GGPS1: variants seen among roughly 807,000 people sequenced by gnomAD.
GGPS1 encodes geranylgeranyl diphosphate synthase 1, also known as geranylgeranyl pyrophosphate synthase.
A neutral mutation model predicts 28.1 loss-of-function variants in GGPS1; 15 were observed. The ratio of observed to expected loss-of-function variants is 0.53; its 90% CI spans 0.36 to 0.82. The LOEUF (loss-of-function observed/expected upper bound fraction) is 0.82. Among genes scored for constraint, GGPS1 ranks in the 40% least tolerant of loss-of-function variants. The pLI, the probability that GGPS1 is intolerant of heterozygous loss-of-function variation, is 0.01. For missense variants in GGPS1, 284 were observed against 348.3 expected, an observed-to-expected ratio of 0.82 and a Z score of 1.47; for synonymous variants, 138 against 122.4, an observed-to-expected ratio of 1.13 and a Z score of -0.84.
chr1:235,329,720 G>A (rs1675632619), intron 1 of GGPS1: 2 of 152,218 alleles, frequency 1.3e-5, no homozygotes, highest in African/African-American at 4.8e-5. Context: ...TCTCCTAATA[G>A]CAATGGGATA....
chr1:235,334,126 A>T (rs568563325), intron 1 of GGPS1, among the ~76,000 whole-genome samples: 3 of 152,362 alleles, frequency 2.0e-5, no homozygotes, highest in African/African-American at 7.2e-5. Context: ...GCGTATTTTA[A>T]ATCAGAAATC....
At chr1:235,331,337 T>C (rs983966757) in intron 1 of GGPS1, among the ~76,000 whole-genome samples, 1 of 152,224 alleles carries the variant, frequency 6.6e-6, no homozygotes, top group Non-Finnish European at 1.5e-5. Context: ...AATATGCCTT[T>C]CAATCCTGAA....
chr1:235,340,751 A>AAAAAAC (rs1676016375), intron 2 of GGPS1, among the ~76,000 whole-genome samples: 1 of 149,628 alleles, frequency 6.7e-6, no homozygotes, highest in African/African-American at 2.5e-5. Context: ...AAAAAAAAAA[A>AAAAAAC]AAAAAAACAA....
intron 1 of GGPS1, among the ~76,000 whole-genome samples, chr1:235,333,067 CAAAAAAAA>C (rs5781828): frequency 2.3e-5 from 1 of 43,318 alleles, no homozygotes; most frequent in Non-Finnish European, 3.9e-5. Context: ...GACTCCGTCT[CAAAAAAAA>C]AAAAAAAAAA....
chr1:235,337,911 A>G (rs1675916473), intron 2 of GGPS1, among the ~76,000 whole-genome samples: 1 of 150,358 alleles, frequency 6.7e-6, no homozygotes, highest in African/African-American at 2.4e-5. Flanking sequence ...ATGTTTGTTT[A>G]TTTGCCTTAG....
intron 1 of GGPS1, chr1:235,329,667 G>A (rs1028778029): frequency 1.3e-5 from 2 of 152,290 alleles, no homozygotes; most frequent in Admixed American, 6.5e-5. Flanking sequence ...TGGGATGAGG[G>A]GGAGTGTCGA....
intron 3 of GGPS1, 29 bp downstream of exon 3, chr1:235,341,807 C>G: frequency 7.9e-7 from 1 of 1,266,714 alleles, no homozygotes; most frequent in South Asian, 1.2e-5. Flanking sequence ...CTCATTAATC[C>G]CCAAGAAATT....
chr1:235,340,698 T>C (rs991218903), intron 2 of GGPS1, among the ~76,000 whole-genome samples: 3 of 117,018 alleles, frequency 2.6e-5, no homozygotes, highest in African/African-American at 6.7e-5. Context: ...ATCGCGCCAC[T>C]GCACTCCAGC....
chr1:235,335,166 A>G (rs1015283366), intron 1 of GGPS1, 76 bp from the exon 2 acceptor site: 5 of 682,016 alleles, frequency 7.3e-6, no homozygotes, highest in Admixed American at 5.1e-5. Context: ...AACACCCTGC[A>G]ATACAAATTC....
Position 235,343,179 on chromosome 1 carries a change from A to C in GGPS1, c.*407A>C, listed in dbSNP as rs557003076. 1.2e-5 allele frequency: 2 copies of C among 169,112 alleles called. No individual in the cohort carries two copies. Among genetic ancestry groups the C allele is most frequent in the East Asian group, 1.9e-4 (1 of 5,272 alleles). 10.5% of individuals were successfully genotyped at this position (169,112 alleles called of 1,614,324 possible). A position where few individuals can be genotyped will look rare whatever the true frequency, so the allele number is the denominator to read the frequency against. On this transcript the variant is annotated 3_prime_UTR_variant, in exon 4 of 4. Transcript: ENST00000282841. ...TTAGCTAGCTGGACCAAAGACCACA[A>C]ATCTCTTTTTTTCCTAAACGCTGCT... is the stretch of plus-strand genomic sequence containing the variant.
intron 1 of GGPS1, chr1:235,329,395 C>CA (rs1479885632): frequency 6.6e-6 from 1 of 152,236 alleles, no homozygotes; most frequent in Non-Finnish European, 1.5e-5. Flanking sequence ...AGATGCTGAA[C>CA]AAAACGATGT....
chr1:235,339,966 C>A (rs1247350766), intron 2 of GGPS1, among the ~76,000 whole-genome samples: 1 of 151,456 alleles, frequency 6.6e-6, no homozygotes, highest in Non-Finnish European at 1.5e-5. Flanking sequence ...AACTTCTATC[C>A]AAAGACCTAT....
chr1:235,341,827 C>A (rs370933233), intron 3 of GGPS1, 49 bp downstream of exon 3: 3 of 1,097,846 alleles, frequency 2.7e-6, no homozygotes, highest in Admixed American at 2.1e-5. Context: ...TAATAGCTGT[C>A]GCATAAAAAT....
chr1:235,343,538 G>A lies in GGPS1; in HGVS notation c.*766G>A, dbSNP rs2803841. ...TGCACTCCAGCCTGGGTGACAGAGC[G>A]AGACTCCGTCTCAAAAAAAAGGGCT... On this transcript the variant is annotated 3_prime_UTR_variant, in exon 4 of 4. Transcript: ENST00000282841. 59,126 of 166,622 alleles carry A rather than the reference G, an allele frequency of 0.35. 10,718 individuals carry two copies. The highest frequency in any genetic ancestry group is 0.53 in the South Asian group (2,547 of 4,820). The allele number at this position is 166,622 out of a possible 1,614,324, so 10.3% of individuals were successfully genotyped here.
intron 1 of GGPS1, among the ~76,000 whole-genome samples, chr1:235,332,522 A>C (rs956553254): frequency 6.6e-6 from 1 of 152,216 alleles, no homozygotes; most frequent in African/African-American, 2.4e-5. Flanking sequence ...GTGCTGTAAT[A>C]AACACATAGT....
Sources: gnomAD v4.1 joint callset for allele counts (sites outside exome capture counted in the v4.1 genomes callset) on GRCh38, gnomAD v4.1.1 for gene constraint, MANE v1.5 for transcripts, NCBI Gene and HGNC (gene_info 2026-07-23, HGNC 2026-07-21) for gene names.